Variants in SEH1L observed in about 807,000 individuals in gnomAD.
SEH1L encodes the protein SEH1 like nucleoporin, also known as nucleoporin SEH1.
A neutral mutation model predicts 49.5 loss-of-function variants in SEH1L; 18 were observed. The observed-to-expected ratio is 0.36, with a 90% CI of 0.25 to 0.54. SEH1L has a LOEUF of 0.54. SEH1L is among the 20% of genes least tolerant of loss of function. SEH1L has a pLI of 0.87. For synonymous variants in SEH1L, 169 were observed against 178.1 expected, an observed-to-expected ratio of 0.95 and a Z score of 0.41; for missense variants, 404 against 528.8, an observed-to-expected ratio of 0.76 and a Z score of 2.31.
chr18:12,981,325 C>T (rs904107840), intron 6 of SEH1L, among the ~76,000 whole-genome samples: 10 of 152,304 alleles, frequency 6.6e-5, no homozygotes, highest in Non-Finnish European at 1.2e-4. Context: ...AGGCTGCAAT[C>T]TCGGCACTTT....
Position 12,987,020 on chromosome 18 carries a change from G to A in SEH1L, c.1229G>A (p.Arg410Gln), listed in dbSNP as rs1444847986. 4.3e-6 allele frequency: 7 copies of A among 1,611,450 alleles called. No individual in the cohort carries two copies. Among genetic ancestry groups the A allele is most frequent in the African/African-American group, 2.7e-5 (2 of 74,658 alleles). Reference protein sequence around the residue: ...YPHPRRRYLSRPLNPLPENEG... With the variant: ...YPHPRRRYLSQPLNPLPENEG... ...CACCCTCGCAGACGATATCTCTCTC[G>A]GCCTCTTAATCCCTTACCTGAGAAT... Residue 410 changes from arginine to glutamine, a missense_variant, in exon 9 of 9, where the codon CGG becomes CAG. Coordinates refer to ENST00000399892, the MANE Select transcript of SEH1L (RefSeq NM_001013437.2).
chr18:12,949,224 T>G (rs931609164), intron 1 of SEH1L, among the ~76,000 whole-genome samples: 2 of 151,636 alleles, frequency 1.3e-5, no homozygotes, highest in Non-Finnish European at 2.9e-5. Flanking sequence ...CTCCCAGATG[T>G]GTTGCAGGAT....
intron 6 of SEH1L, among the ~76,000 whole-genome samples, chr18:12,979,334 A>T (rs1379438344): frequency 6.7e-6 from 1 of 150,078 alleles, no homozygotes; most frequent in Non-Finnish European, 1.5e-5. Flanking sequence ...CCCTTAATCC[A>T]TTCAACCCTG....
At chr18:12,957,995 C>T (rs1347178066) in intron 3 of SEH1L, among the ~76,000 whole-genome samples, 1 of 151,048 alleles carries the variant, frequency 6.6e-6, no homozygotes, top group African/African-American at 2.4e-5. Context: ...AGGCGTGAGC[C>T]ACTACGAGGG....
At position 12,984,010 on chromosome 18, in the gene SEH1L, T is replaced by C. The variant is rs771312010; in HGVS notation, c.920-30T>C. On this transcript the variant is annotated intron_variant, in intron 7 of 8. Transcript: ENST00000399892. ...TGCCCTTAGGCATTGGTATTAATCATGTTAATGTATTTGATTATTTTCCTT... is the reference window on the plus strand; with the variant it reads ...TGCCCTTAGGCATTGGTATTAATCACGTTAATGTATTTGATTATTTTCCTT... 35 of 1,581,718 alleles carry C rather than the reference T, an allele frequency of 2.2e-5. No homozygotes were observed. In the African/African-American group the frequency reaches 3.2e-4, roughly 15 times the overall value.
chr18:12,955,725 A>G (rs1225436488), intron 3 of SEH1L, 116 bp downstream of exon 3: 2 of 999,832 alleles, frequency 2.0e-6, no homozygotes, highest in South Asian at 1.8e-5. Flanking sequence ...TAGTTTTACC[A>G]GTTCTAAAGT....
rs537734235 is a variant in SEH1L at position 12,959,436 on chromosome 18, C to T, written c.310-3724C>T. On this transcript the variant is annotated intron_variant, in intron 3 of 8. Transcript: ENST00000399892. Reference sequence around the variant, plus strand: ...GGTTCAAGCGATCCTCCACCTTGGCCCCCCAGAGTGCTGGGATTACAGGTG... The same window carrying T: ...GGTTCAAGCGATCCTCCACCTTGGCTCCCCAGAGTGCTGGGATTACAGGTG... Among the ~76,000 whole-genome samples the T allele has an allele frequency of 2.0e-4, 31 of 152,280 alleles. No homozygotes were observed. In the South Asian group the frequency reaches 5.2e-3, roughly 25 times the overall value.
intron 8 of SEH1L, chr18:12,986,566 A>T: frequency 1.0e-6 from 1 of 972,316 alleles, no homozygotes; most frequent in Non-Finnish European, 1.2e-6. Flanking sequence ...TTATAAAATT[A>T]ATGTTTTTCT....
At chr18:12,977,631 C>T (rs9958369) in intron 5 of SEH1L, 2 of 151,970 alleles carry the variant, frequency 1.3e-5, no homozygotes, top group Admixed American at 6.5e-5. Flanking sequence ...GGCTGAAGCA[C>T]GAGAATCACT....
intron 4 of SEH1L, among the ~76,000 whole-genome samples, chr18:12,968,000 G>A (rs1415732231): frequency 6.6e-6 from 1 of 152,126 alleles, no homozygotes; most frequent in Non-Finnish European, 1.5e-5. Context: ...GTTTACAAGT[G>A]CAGAATCTCT....
intron 2 of SEH1L, among the ~76,000 whole-genome samples, chr18:12,954,502 T>C (rs2030735893): frequency 6.6e-6 from 1 of 152,230 alleles, no homozygotes; most frequent in South Asian, 2.1e-4. Flanking sequence ...GTTCTTGCTC[T>C]GTCACCCAGG....
intron 5 of SEH1L, chr18:12,972,943 T>C (rs958374844): frequency 1.3e-5 from 2 of 152,224 alleles, no homozygotes; most frequent in East Asian, 1.9e-4. Flanking sequence ...AGGTGACTTA[T>C]GCCTGCCATC....
intron 1 of SEH1L, among the ~76,000 whole-genome samples, chr18:12,950,932 C>T (rs1425410129): frequency 6.6e-6 from 1 of 152,084 alleles, no homozygotes; most frequent in African/African-American, 2.4e-5. Flanking sequence ...GTAATCCCTC[C>T]TGCCTCAGCC....
At chr18:12,980,989 T>C (rs1598979781) in intron 6 of SEH1L, among the ~76,000 whole-genome samples, 1 of 140,752 alleles carries the variant, frequency 7.1e-6, no homozygotes, top group African/African-American at 2.7e-5. Flanking sequence ...CCAGACGGGG[T>C]GGCTGCCGGG....
rs57733399 is a variant in SEH1L at position 12,958,064 on chromosome 18, C to CTTTTTTTTTTTTTT, written c.309+2479_309+2492dup. On this transcript the variant is annotated intron_variant, in intron 3 of 8. Coordinates refer to ENST00000399892, the MANE Select transcript of SEH1L (RefSeq NM_001013437.2). ...TATAACATAATATTCCTCATTTTAA[C>CTTTTTTTTTTTTTT]TTTTTTTTTTTTTTTTTTTTTTTTT... is the stretch of plus-strand genomic sequence containing the variant. Among the ~76,000 whole-genome samples, 4 of 62,036 alleles carry CTTTTTTTTTTTTTT rather than the reference C, an allele frequency of 6.4e-5. 1 individual carries two copies. Among genetic ancestry groups the CTTTTTTTTTTTTTT allele is most frequent in the African/African-American group, 1.3e-4 (2 of 15,556 alleles). 40.7% of individuals were successfully genotyped at this position (62,036 alleles called of 152,430 possible). A position where few individuals can be genotyped will look rare whatever the true frequency, so the allele number is the denominator to read the frequency against.
intron 6 of SEH1L, among the ~76,000 whole-genome samples, chr18:12,981,251 C>T (rs1460088142): frequency 6.6e-6 from 1 of 151,886 alleles, no homozygotes; most frequent in African/African-American, 2.4e-5. Flanking sequence ...CTCCTCACAT[C>T]CCAGACGATG....
At position 12,951,890 on chromosome 18, in the gene SEH1L, T is replaced by C; in HGVS notation, c.147T>C (p.Cys49=). The part of the protein sequence containing the change: ...WDKSESGDWH[C]TASWKTHSGS... ...AAAGTGAAAGTGGTGATTGGCATTG[T>C]ACTGCTAGCTGGAAGGTTAGTATTT... is the stretch of plus-strand genomic sequence containing the variant. Residue 49 remains cysteine, a synonymous_variant, in exon 2 of 9, where the codon TGT becomes TGC. Transcript: ENST00000399892. 1 of 1,560,896 alleles carries C rather than the reference T, an allele frequency of 6.4e-7. No individual in the cohort carries two copies. The highest frequency in any genetic ancestry group is 1.2e-5 in the South Asian group (1 of 84,656).
intron 1 of SEH1L, among the ~76,000 whole-genome samples, chr18:12,949,841 ACCTTTTCATCATC>A (rs879840283): frequency 6.6e-6 from 1 of 151,796 alleles, no homozygotes; most frequent in Non-Finnish European, 1.5e-5. Context: ...CATCTCCAGA[ACCTTTTCATCATC>A]CTAAACTGAA....
chr18:12,986,647 T>TG, intron 8 of SEH1L: 1 of 1,199,290 alleles, frequency 8.3e-7, no homozygotes, highest in Non-Finnish European at 1.0e-6. Flanking sequence ...TTTCTATACT[T>TG]GCTTAAGCAA....
Sources: gnomAD v4.1 joint callset for allele counts (sites outside exome capture counted in the v4.1 genomes callset) on GRCh38, gnomAD v4.1.1 for gene constraint, MANE v1.5 for transcripts, NCBI Gene and HGNC (gene_info 2026-07-23, HGNC 2026-07-21) for gene names.